The following ZFHX4 variants were observed in gnomAD, a reference collection of about 807,000 sequenced individuals.
The protein encoded by ZFHX4 is zinc finger homeobox 4, also known as zinc finger homeobox protein 4.
Under a neutral mutation model 267.6 loss-of-function variants are expected in ZFHX4, and 56 were observed. That is an observed-to-expected ratio of 0.21 (90% CI 0.17 to 0.26). The LOEUF is 0.26. Ranked by LOEUF, ZFHX4 falls within the 10% of genes least tolerant of loss-of-function variation. ZFHX4 has a pLI of 1.00. For missense variants in ZFHX4, 4,332 were observed against 4,420.0 expected, an observed-to-expected ratio of 0.98 and a Z score of 0.56; for synonymous variants, 1,778 against 1,665.6, an observed-to-expected ratio of 1.07 and a Z score of -1.64.
chr8:76,692,901 G>A (rs958306502), intron 1 of ZFHX4, among the ~76,000 whole-genome samples: 1 of 151,998 alleles, frequency 6.6e-6, no homozygotes, highest in African/African-American at 2.4e-5. Context: ...TGTGTGCATG[G>A]CCTATGTTCT....
chr8:76,794,402 A>G (rs921256803), intron 4 of ZFHX4, among the ~76,000 whole-genome samples: 2 of 152,172 alleles, frequency 1.3e-5, no homozygotes, highest in Admixed American at 6.6e-5. Context: ...CATGTATAAG[A>G]AGAGGTTCAC....
chr8:76,801,625 T>A lies in ZFHX4; in HGVS notation c.3325+23186T>A, dbSNP rs573652486. On this transcript the variant is annotated intron_variant, in intron 4 of 10. Transcript: ENST00000651372. ...TATGGGCCAGCTTCATTTTCATCAC[T>A]TTTATTTAAATCAAGACACATGCTA... is the stretch of plus-strand genomic sequence containing the variant. Among the ~76,000 whole-genome samples the A allele has an allele frequency of 2.0e-5, 3 of 152,316 alleles. No individual in the cohort carries two copies. In the East Asian group the frequency reaches 5.8e-4, roughly 29 times the overall value.
intron 5 of ZFHX4, chr8:76,834,321 A>G (rs1812014912): frequency 3.8e-6 from 1 of 259,968 alleles, no homozygotes; most frequent in Non-Finnish European, 7.9e-6. Flanking sequence ...ACTGTCTTCC[A>G]AAGTGGTTGT....
At chr8:76,790,564 A>G (rs917698916) in intron 4 of ZFHX4, among the ~76,000 whole-genome samples, 1 of 152,198 alleles carries the variant, frequency 6.6e-6, no homozygotes. Context: ...ATAAAGAATT[A>G]TTGGCTTGAG....
At chr8:76,737,407 A>C (rs1198612881) in intron 3 of ZFHX4, among the ~76,000 whole-genome samples, 1 of 152,212 alleles carries the variant, frequency 6.6e-6, no homozygotes, top group Non-Finnish European at 1.5e-5. Context: ...CTAAATAAAC[A>C]ATTACCTGTA....
chr8:76,703,482 T>G (rs1170715790), intron 1 of ZFHX4: 1 of 152,492 alleles, frequency 6.6e-6, no homozygotes, highest in Admixed American at 6.5e-5. Flanking sequence ...TAAGCTGATT[T>G]ACTGGCAAAA....
At chr8:76,784,750 T>G (rs55939977) in intron 4 of ZFHX4, among the ~76,000 whole-genome samples, 409 of 152,232 alleles carry the variant, frequency 2.7e-3, no homozygotes, top group Non-Finnish European at 4.8e-3. Context: ...GAATTATTAT[T>G]CTTCCAAAAT....
intron 4 of ZFHX4, among the ~76,000 whole-genome samples, chr8:76,811,531 T>C (rs1293046762): frequency 6.6e-6 from 1 of 152,110 alleles, no homozygotes; most frequent in Non-Finnish European, 1.5e-5. Context: ...TCAATGTAAT[T>C]GGGTCCTGTG....
intron 1 of ZFHX4, among the ~76,000 whole-genome samples, chr8:76,685,444 G>C (rs1807668166): frequency 6.6e-6 from 1 of 152,134 alleles, no homozygotes; most frequent in African/African-American, 2.4e-5. Flanking sequence ...TCGTTATAAA[G>C]ACTAAAGACA....
At position 76,833,349 on chromosome 8, in the gene ZFHX4, T is replaced by C. The variant is rs781496063; in HGVS notation, c.3337T>C (p.Leu1113=). ...GATGTCTTCTGCAGAAACTGCCTCA[T>C]TGGGAGCCAGGACTTGTGATGATGA... The part of the protein sequence containing the change: ...CPPNELETAS[L]GARTCDDDLT... Residue 1113 remains leucine, a synonymous_variant, in exon 5 of 11, where the codon TTG becomes CTG. Coordinates refer to ENST00000651372, the MANE Select transcript of ZFHX4 (RefSeq NM_024721.5). The C allele has an allele frequency of 3.6e-5, 58 of 1,610,810 alleles. No homozygotes were observed. The highest frequency in any genetic ancestry group is 4.5e-5 in the East Asian group (2 of 44,778).
chr8:76,756,971 G>T (rs918175024), intron 3 of ZFHX4, among the ~76,000 whole-genome samples: 8 of 152,012 alleles, frequency 5.3e-5, no homozygotes, highest in African/African-American at 1.9e-4. Flanking sequence ...ATCACAGCTT[G>T]GCTTATTTTT....
chr8:76,810,949 C>T (rs191156325), intron 4 of ZFHX4, among the ~76,000 whole-genome samples: 1 of 152,228 alleles, frequency 6.6e-6, no homozygotes, highest in Non-Finnish European at 1.5e-5. Context: ...ATGGCTGCTT[C>T]GCTTCCCCTC....
chr8:76,788,994 T>A (rs1810766640), intron 4 of ZFHX4, among the ~76,000 whole-genome samples: 1 of 152,238 alleles, frequency 6.6e-6, no homozygotes, highest in African/African-American at 2.4e-5. Flanking sequence ...TGTGTTATTT[T>A]GTATTCTGGA....
intron 4 of ZFHX4, among the ~76,000 whole-genome samples, chr8:76,815,254 A>G (rs1302365423): frequency 6.6e-6 from 1 of 152,192 alleles, no homozygotes; most frequent in African/African-American, 2.4e-5. Flanking sequence ...AATGTGAGAA[A>G]GGAAGGTTGT....
In ZFHX4 at chr8:76,863,698, G is replaced by C. The variant is rs963526836; in HGVS notation, c.9984G>C (p.Glu3328Asp). The C allele has an allele frequency of 3.8e-6, 6 of 1,582,658 alleles. No individual in the cohort carries two copies. Among genetic ancestry groups the C allele is most frequent in the Non-Finnish European group, 4.3e-6 (5 of 1,163,714 alleles). The change falls in exon 11 of 11, where the codon GAG becomes GAC. Residue 3328 changes from glutamate (E) to aspartate (D), a missense_variant. This residue lies in a region of ZFHX4 where 1,648 missense variants were observed against 1,625.0 expected (regional missense o/e 1.01). Transcript: ENST00000651372. ...AACAGTATCAGCAGAACCTGCAGGA[G>C]TCCCTGCAAAAGCAGCAAAAGCAAC... Reference protein sequence around the residue: ...QYQQYQQNLQESLQKQQKQQQ... With the variant: ...QYQQYQQNLQDSLQKQQKQQQ...
intron 3 of ZFHX4, among the ~76,000 whole-genome samples, chr8:76,759,569 C>T (rs1167943472): frequency 6.6e-6 from 1 of 152,126 alleles, no homozygotes; most frequent in African/African-American, 2.4e-5. Context: ...TTGAGCACTC[C>T]ATTATTCTAG....
chr8:76,787,221 G>A (rs1810714396), intron 4 of ZFHX4, among the ~76,000 whole-genome samples: 1 of 152,186 alleles, frequency 6.6e-6, no homozygotes, highest in Non-Finnish European at 1.5e-5. Flanking sequence ...AAAATAGAAT[G>A]TATGTGATCA....
At chr8:76,832,078 C>T (rs761226247) in intron 4 of ZFHX4, among the ~76,000 whole-genome samples, 13 of 151,742 alleles carry the variant, frequency 8.6e-5, no homozygotes, top group Middle Eastern at 3.4e-3. Context: ...AGGTTTTATA[C>T]GCAGCAGGAA....
intron 4 of ZFHX4, among the ~76,000 whole-genome samples, chr8:76,779,608 A>G (rs1810496550): frequency 6.6e-6 from 1 of 152,202 alleles, no homozygotes; most frequent in African/African-American, 2.4e-5. Flanking sequence ...AGTCATCCAT[A>G]AAAATGAAAA....
Sources: allele counts gnomAD v4.1 joint callset (sites outside exome capture counted in the v4.1 genomes callset), GRCh38; gene constraint gnomAD v4.1.1; regional missense constraint gnomAD v4.1.1; transcripts MANE v1.5; gene names NCBI Gene and HGNC (gene_info 2026-07-23, HGNC 2026-07-21).